The following VRK1 variants were observed in gnomAD, a reference collection of about 807,000 sequenced individuals.
VRK1 encodes serine/threonine-protein kinase VRK1.
Under a neutral mutation model 57.1 loss-of-function variants are expected in VRK1, and 33 were observed. The ratio of observed to expected loss-of-function variants is 0.58; its 90% confidence interval spans 0.44 to 0.77. VRK1 has a LOEUF of 0.77. Among genes scored for constraint, VRK1 ranks in the 30% least tolerant of loss-of-function variants. VRK1 has a pLI of 0.00. For synonymous variants in VRK1, 137 were observed against 147.8 expected (o/e 0.93, Z 0.53); for missense variants, 413 against 477.3 (o/e 0.87, Z 1.25).
intron 1 of VRK1, among the ~76,000 whole-genome samples, chr14:96,803,461 C>T (rs916214693): frequency 2.6e-5 from 4 of 152,096 alleles, no homozygotes; most frequent in African/African-American, 4.8e-5. Context: ...AGTGAGCCAC[C>T]GCATCTGGCC....
intron 1 of VRK1, among the ~76,000 whole-genome samples, chr14:96,821,580 A>G (rs2139720386): frequency 6.6e-6 from 1 of 152,362 alleles, no homozygotes; most frequent in South Asian, 2.1e-4. Context: ...TGCTTTTTCC[A>G]ATAGCAATAC....
chr14:96,819,578 G>C (rs530923884), intron 1 of VRK1, among the ~76,000 whole-genome samples: 1 of 152,176 alleles, frequency 6.6e-6, no homozygotes, highest in Non-Finnish European at 1.5e-5. Flanking sequence ...TTATAACTAG[G>C]CTCAAACACA....
intron 11 of VRK1, among the ~76,000 whole-genome samples, chr14:96,864,509 T>C (rs114827375): frequency 0.01 from 1,558 of 152,304 alleles, 27 homozygotes; most frequent in African/African-American, 0.036. Context: ...CCGTAATTTA[T>C]TGATGGACAT....
intron 12 of VRK1, among the ~76,000 whole-genome samples, chr14:96,878,063 CA>C (rs1323854884): frequency 2.6e-5 from 4 of 152,200 alleles, no homozygotes; most frequent in African/African-American, 9.6e-5. Context: ...CATATAAACT[CA>C]AAATTGCCGT....
intron 11 of VRK1, among the ~76,000 whole-genome samples, chr14:96,871,382 C>G (rs1002670230): frequency 1.3e-5 from 2 of 149,252 alleles, no homozygotes; most frequent in Non-Finnish European, 3.0e-5. Context: ...CAAGGGTGGA[C>G]TGTGATGTAA....
intron 11 of VRK1, among the ~76,000 whole-genome samples, chr14:96,864,643 G>A (rs35730789): frequency 2.0e-5 from 3 of 152,070 alleles, no homozygotes; most frequent in African/African-American, 7.2e-5. Flanking sequence ...CTGCAGCCTA[G>A]GGCTTACTTA....
Position 96,853,100 on chromosome 14 carries a change from G to C in VRK1, c.510G>C (p.Glu170Asp). ...RILDILEYIH[E>D]HEYVHGDIKA... ...TGGATATTCTGGAATATATTCACGA[G>C]CATGAGTATGTGCATGGAGATATCA... Residue 170 changes from glutamate (E) to aspartate (D), a missense_variant, in exon 7 of 13, where the codon GAG becomes GAC. Coordinates refer to ENST00000216639, the MANE Select transcript of VRK1 (RefSeq NM_003384.3). 1 of 1,613,822 alleles carries C rather than the reference G, an allele frequency of 6.2e-7. No individual in the cohort carries two copies. Among genetic ancestry groups the C allele is most frequent in the Non-Finnish European group, 8.5e-7 (1 of 1,179,822 alleles).
intron 1 of VRK1, among the ~76,000 whole-genome samples, chr14:96,822,822 C>T (rs1886653588): frequency 6.6e-6 from 1 of 152,162 alleles, no homozygotes; most frequent in Non-Finnish European, 1.5e-5. Flanking sequence ...ATTCAGAGTC[C>T]TGACAGTAGC....
intron 1 of VRK1, among the ~76,000 whole-genome samples, chr14:96,800,743 A>G (rs1315148618): frequency 6.6e-6 from 1 of 152,116 alleles, no homozygotes; most frequent in African/African-American, 2.4e-5. Flanking sequence ...TTGAAAATTA[A>G]GGTAGATACT....
chr14:96,828,880 G>C (rs1365411907), intron 1 of VRK1, among the ~76,000 whole-genome samples: 2 of 152,136 alleles, frequency 1.3e-5, no homozygotes, highest in African/African-American at 2.4e-5. Context: ...GGTTGCCTGA[G>C]GCCACCTGAG....
chr14:96,831,404 G>A (rs922061668), intron 1 of VRK1, among the ~76,000 whole-genome samples: 2 of 152,152 alleles, frequency 1.3e-5, no homozygotes, highest in Non-Finnish European at 2.9e-5. Context: ...TTAACCTTCA[G>A]GAGCTGTGAT....
chr14:96,812,632 A>G (rs1205910011), intron 1 of VRK1, among the ~76,000 whole-genome samples: 1 of 151,976 alleles, frequency 6.6e-6, no homozygotes, highest in Admixed American at 6.6e-5. Context: ...TTTAATGTTC[A>G]CTCTGATTTA....
intron 1 of VRK1, among the ~76,000 whole-genome samples, chr14:96,829,237 G>A (rs1354137727): frequency 6.6e-6 from 1 of 151,080 alleles, no homozygotes; most frequent in Non-Finnish European, 1.5e-5. Context: ...AGGGAAGTGG[G>A]AATGGACTGG....
intron 1 of VRK1, among the ~76,000 whole-genome samples, chr14:96,807,994 C>CGTCT (rs572027557): frequency 2.1e-3 from 69 of 32,472 alleles, no homozygotes; most frequent in South Asian, 0.014. Flanking sequence ...TCCCTCTCTC[C>CGTCT]CTCTCTCCCT....
At chr14:96,808,880 G>A (rs1886034092) in intron 1 of VRK1, among the ~76,000 whole-genome samples, 1 of 152,196 alleles carries the variant, frequency 6.6e-6, no homozygotes, top group African/African-American at 2.4e-5. Flanking sequence ...GGATTCTGTG[G>A]ATTGGGAATT....
intron 1 of VRK1, among the ~76,000 whole-genome samples, chr14:96,816,602 AG>A (rs1370933527): frequency 2.0e-5 from 3 of 152,178 alleles, no homozygotes; most frequent in Non-Finnish European, 4.4e-5. Flanking sequence ...ATGAGTAATA[AG>A]CCTGTCTCGT....
At chr14:96,867,455 A>G (rs1393039572) in intron 11 of VRK1, among the ~76,000 whole-genome samples, 2 of 98,390 alleles carry the variant, frequency 2.0e-5, no homozygotes, top group East Asian at 3.6e-4. Context: ...ATCTGTGCAC[A>G]AGTGTGTGTG....
chr14:96,852,704 T>C, intron 5 of VRK1, 127 bp from the exon 6 acceptor site: 1 of 740,294 alleles, frequency 1.4e-6, no homozygotes, highest in Non-Finnish European at 2.4e-6. Context: ...CAAATGTTTG[T>C]ATTTCTTTTT....
intron 1 of VRK1, among the ~76,000 whole-genome samples, chr14:96,822,287 TAAGC>T (rs1354339438): frequency 6.6e-6 from 1 of 152,164 alleles, no homozygotes; most frequent in African/African-American, 2.4e-5. Flanking sequence ...ACAAATTAAT[TAAGC>T]AGGCAGTATG....
Sources: gnomAD v4.1 joint callset for allele counts (sites outside exome capture counted in the v4.1 genomes callset) on GRCh38, gnomAD v4.1.1 for gene constraint, MANE v1.5 for transcripts, NCBI Gene and HGNC (gene_info 2026-07-23, HGNC 2026-07-21) for gene names.